The following ANKRD36C variants were observed in gnomAD, a reference collection of about 807,000 sequenced individuals.
ANKRD36C encodes ankyrin repeat domain-containing protein 36C.
In ANKRD36C, 61 loss-of-function variants were observed where a neutral mutation model predicts 276.4. The ratio of observed to expected loss-of-function variants is 0.22; its 90% CI spans 0.18 to 0.27. ANKRD36C has a LOEUF of 0.27. ANKRD36C is among the 10% of genes least tolerant of loss of function. ANKRD36C has a pLI of 1.00. For synonymous variants in ANKRD36C, 483 were observed against 680.1 expected, an observed-to-expected ratio of 0.71 and a Z score of 4.51; for missense variants, 1,447 against 2,032.3, an observed-to-expected ratio of 0.71 and a Z score of 5.54.
chr2:95,990,499 CAT>C (rs1425519063), intron 1 of ANKRD36C, among the ~76,000 whole-genome samples: 1 of 152,168 alleles, frequency 6.6e-6, no homozygotes, highest in African/African-American at 2.4e-5. Context: ...AGCACATTTT[CAT>C]ATCTAGAAAG....
chr2:95,979,165 C>T (rs1034753715), intron 5 of ANKRD36C, among the ~76,000 whole-genome samples: 1 of 152,020 alleles, frequency 6.6e-6, no homozygotes, highest in Non-Finnish European at 1.5e-5. Context: ...TTATAGATCA[C>T]CTTACACAAA....
At chr2:95,956,703 G>C in intron 13 of ANKRD36C, 83 bp downstream of exon 13, 2 of 1,255,984 alleles carry the variant, frequency 1.6e-6, no homozygotes. Context: ...CTAGCACAGA[G>C]GAGAACACTA....
intron 1 of ANKRD36C, among the ~76,000 whole-genome samples, chr2:95,987,638 G>A (rs1479138345): frequency 8.7e-6 from 1 of 115,546 alleles, no homozygotes; most frequent in Admixed American, 1.1e-4. Context: ...TTTTTGAGAC[G>A]GAGTCTCGCT....
intron 60 of ANKRD36C, among the ~76,000 whole-genome samples, chr2:95,862,176 G>C (rs1675601492): frequency 6.6e-6 from 1 of 152,018 alleles, no homozygotes; most frequent in Non-Finnish European, 1.5e-5. Context: ...CTCAATAAGT[G>C]ATAGAACAAG....
chr2:95,914,034 G>T, intron 40 of ANKRD36C, 74 bp downstream of exon 42: 2 of 1,405,918 alleles, frequency 1.4e-6, no homozygotes, highest in South Asian at 1.3e-5. Flanking sequence ...CGAGCCCCCC[G>T]CTGATTTCTT....
intron 58 of ANKRD36C, among the ~76,000 whole-genome samples, chr2:95,879,309 TG>T (rs1257936086): frequency 6.6e-6 from 1 of 151,952 alleles, no homozygotes; most frequent in Non-Finnish European, 1.5e-5. Context: ...AGGAAGGGTG[TG>T]GGGGTGGTAG....
At chr2:95,908,539 T>C in intron 42 of ANKRD36C, 1 of 1,549,058 alleles carries the variant, frequency 6.5e-7, no homozygotes. Context: ...TTCCTCTGGC[T>C]ATATTCAAAA....
At chr2:95,858,746 G>C (rs1426891281) in intron 61 of ANKRD36C, among the ~76,000 whole-genome samples, 1 of 152,080 alleles carries the variant, frequency 6.6e-6, no homozygotes, top group Non-Finnish European at 1.5e-5. Context: ...TGTAATCCAA[G>C]ACTAGGTTAA....
intron 59 of ANKRD36C, among the ~76,000 whole-genome samples, chr2:95,869,736 G>T (rs1176821584): frequency 6.6e-6 from 1 of 152,240 alleles, no homozygotes; most frequent in East Asian, 1.9e-4. Context: ...AGTGGAAGGG[G>T]TCAGGGAGTT....
At chr2:95,938,341 T>G (rs1399816706) in intron 22 of ANKRD36C, among the ~76,000 whole-genome samples, 1 of 152,304 alleles carries the variant, frequency 6.6e-6, no homozygotes, top group Non-Finnish European at 1.5e-5. Flanking sequence ...TTATTCATTT[T>G]TAATCAGAGA....
intron 36 of ANKRD36C, among the ~76,000 whole-genome samples, chr2:95,916,626 C>G (rs540356391): frequency 6.6e-6 from 1 of 151,650 alleles, no homozygotes; most frequent in Non-Finnish European, 1.5e-5. Flanking sequence ...ACTGAGAAGG[C>G]ACACAATTCC....
intron 60 of ANKRD36C, among the ~76,000 whole-genome samples, chr2:95,863,028 G>A (rs1190312238): frequency 6.6e-6 from 1 of 151,680 alleles, no homozygotes; most frequent in African/African-American, 2.4e-5. Flanking sequence ...GGTTCCAGAA[G>A]AAACAATAGA....
chr2:95,930,384 T>C (rs1389559194), intron 24 of ANKRD36C, among the ~76,000 whole-genome samples: 1 of 151,510 alleles, frequency 6.6e-6, no homozygotes, highest in Admixed American at 6.6e-5. Flanking sequence ...CTTATGCAAA[T>C]ATTCTAAATG....
chr2:95,911,756 C>A (rs1016985249), intron 42 of ANKRD36C, among the ~76,000 whole-genome samples: 21 of 151,452 alleles, frequency 1.4e-4, no homozygotes, highest in African/African-American at 4.6e-4. Flanking sequence ...ATATAAACGA[C>A]TTCCTCTTTT....
chr2:95,975,564 G>A (rs1298748869), intron 6 of ANKRD36C, among the ~76,000 whole-genome samples: 1 of 152,154 alleles, frequency 6.6e-6, no homozygotes, highest in Non-Finnish European at 1.5e-5. Context: ...TGGGAAAACT[G>A]GCTAGCCATA....
At chr2:95,947,252 G>A (rs200929012) in intron 17 of ANKRD36C, among the ~76,000 whole-genome samples, 1 of 151,356 alleles carries the variant, frequency 6.6e-6, no homozygotes, top group Non-Finnish European at 1.5e-5. Context: ...ATTTTCTCAG[G>A]ATAACTCACC....
chr2:95,946,748 G>A (rs565155582), intron 17 of ANKRD36C, among the ~76,000 whole-genome samples: 2 of 152,208 alleles, frequency 1.3e-5, no homozygotes, highest in Non-Finnish European at 2.9e-5. Flanking sequence ...ATGAGTTCAT[G>A]TCCTTTGTAG....
At chr2:95,965,760 G>A (rs1678574616) in intron 6 of ANKRD36C, among the ~76,000 whole-genome samples, 2 of 151,962 alleles carry the variant, frequency 1.3e-5, no homozygotes, top group Non-Finnish European at 2.9e-5. Context: ...ATACCTCACT[G>A]GGTCAACATG....
At chr2:95,926,720 T>G (rs1677411360) in intron 28 of ANKRD36C, among the ~76,000 whole-genome samples, 1 of 151,556 alleles carries the variant, frequency 6.6e-6, no homozygotes, top group Admixed American at 6.6e-5. Context: ...AACCCCAAAA[T>G]TACATAAATA....
Sources: gnomAD v4.1 joint callset for allele counts (sites outside exome capture counted in the v4.1 genomes callset) on GRCh38, gnomAD v4.1.1 for gene constraint, MANE v1.5 for transcripts, NCBI Gene and HGNC (gene_info 2026-07-23, HGNC 2026-07-21) for gene names.